ZBBX: variants seen among roughly 807,000 people sequenced by gnomAD.
ZBBX encodes the protein zinc finger B-box domain containing.
In ZBBX, 101 loss-of-function variants were observed where a neutral mutation model predicts 108.5. That is an observed-to-expected ratio of 0.93 (90% CI 0.79 to 1.10). The LOEUF (loss-of-function observed/expected upper bound fraction) is 1.10. ZBBX is among the 50% of genes least tolerant of loss of function. The pLI is 0.00. For synonymous variants in ZBBX, 356 were observed against 323.4 expected, an observed-to-expected ratio of 1.10 and a Z score of -1.08; for missense variants, 1,009 against 941.4, an observed-to-expected ratio of 1.07 and a Z score of -0.94.
At chr3:167,310,975 G>A (rs1386386694) in intron 16 of ZBBX, among the ~76,000 whole-genome samples, 1 of 152,060 alleles carries the variant, frequency 6.6e-6, no homozygotes, top group Non-Finnish European at 1.5e-5. Context: ...TTTTTATAGA[G>A]AAACAAATGA....
Position 167,396,738 on chromosome 3 carries a change from T to C in ZBBX, c.-446+10988A>G, listed in dbSNP as rs369036524. On this transcript the variant is annotated intron_variant, in intron 1 of 21. Transcript: ENST00000455345. ...AAAGTTTTGTTAATGAACATTTGAA[T>C]TGAACAAAGTTACTTTAGAAATTTT... is the stretch of plus-strand genomic sequence containing the variant. Among the ~76,000 whole-genome samples the C allele has an allele frequency of 2.6e-4, 39 of 152,104 alleles. No individual in the cohort carries two copies. The East Asian group carries it at 4.5e-3, about 17-fold the overall frequency.
At chr3:167,324,158 T>A (rs1736958752) in intron 11 of ZBBX, among the ~76,000 whole-genome samples, 1 of 152,078 alleles carries the variant, frequency 6.6e-6, no homozygotes, top group African/African-American at 2.4e-5. Context: ...CTTTTTTTTT[T>A]CTTTGTGATA....
At chr3:167,316,581 C>T (rs1378851520) in intron 14 of ZBBX, among the ~76,000 whole-genome samples, 5 of 152,124 alleles carry the variant, frequency 3.3e-5, no homozygotes, top group Middle Eastern at 3.4e-3. Flanking sequence ...CACACTATTT[C>T]TACATTTAAA....
downstream of ZBBX, among the ~76,000 whole-genome samples, chr3:167,235,274 C>T (rs966986029): frequency 1.3e-5 from 2 of 151,618 alleles, no homozygotes; most frequent in African/African-American, 2.4e-5. Flanking sequence ...TCATTTCCTG[C>T]TTGCACCTCC....
intron 20 of ZBBX, among the ~76,000 whole-genome samples, chr3:167,269,113 AG>A (rs1726093001): frequency 1.3e-5 from 2 of 152,218 alleles, no homozygotes; most frequent in Admixed American, 1.3e-4. Context: ...GAGGAGGAGT[AG>A]GGGGCTCAGG....
At chr3:167,193,913 G>A in the ZBBX span, among the ~76,000 whole-genome samples, 4 of 152,122 alleles carry the variant, frequency 2.6e-5, no homozygotes, top group African/African-American at 9.7e-5. Flanking sequence ...TCATATGTGA[G>A]AGCTAAAATG....
chr3:167,201,593 A>C, the ZBBX span, among the ~76,000 whole-genome samples: 1 of 152,154 alleles, frequency 6.6e-6, no homozygotes, highest in South Asian at 2.1e-4. Context: ...AACAAATCAG[A>C]AACTCATCAT....
At chr3:167,364,998 C>T (rs1745113406) in intron 6 of ZBBX, among the ~76,000 whole-genome samples, 1 of 151,704 alleles carries the variant, frequency 6.6e-6, no homozygotes, top group African/African-American at 2.4e-5. Flanking sequence ...TTTTCCTACC[C>T]TTTTAATTCA....
At chr3:167,189,183 C>T in the ZBBX span, among the ~76,000 whole-genome samples, 32 of 151,970 alleles carry the variant, frequency 2.1e-4, no homozygotes, top group South Asian at 2.1e-4. Context: ...GGACAAAGTA[C>T]CTGTCCGCTA....
At chr3:167,229,181 C>T in the ZBBX span, among the ~76,000 whole-genome samples, 1 of 151,688 alleles carries the variant, frequency 6.6e-6, no homozygotes, top group Admixed American at 6.6e-5. Flanking sequence ...ACAATGGATG[C>T]CCTCTTCATT....
chr3:167,313,949 T>C (rs764512276), intron 16 of ZBBX, 25 bp downstream of exon 16: 2 of 1,550,832 alleles, frequency 1.3e-6, no homozygotes, highest in Non-Finnish European at 1.7e-6. Context: ...CTGTTAATAA[T>C]ATCCAGCAAC....
At chr3:167,330,862 G>GAAGAAGAAGAAGA (rs1560135987) in intron 10 of ZBBX, among the ~76,000 whole-genome samples, 3 of 13,562 alleles carry the variant, frequency 2.2e-4, no homozygotes, top group Admixed American at 1.1e-3. Context: ...GGAGGAGGAG[G>GAAGAAGAAGAAGA]AGGAGGAGGA....
At chr3:167,230,756 T>C in the ZBBX span, among the ~76,000 whole-genome samples, 4 of 151,652 alleles carry the variant, frequency 2.6e-5, no homozygotes, top group Non-Finnish European at 5.9e-5. Context: ...TTGGAAGCGA[T>C]TGGGAAAAAG....
intron 18 of ZBBX, among the ~76,000 whole-genome samples, chr3:167,294,867 C>T (rs1368630093): frequency 6.6e-6 from 1 of 151,766 alleles, no homozygotes; most frequent in African/African-American, 2.4e-5. Context: ...CAACCCCATC[C>T]AAAAGTAGGC....
intron 20 of ZBBX, among the ~76,000 whole-genome samples, chr3:167,246,740 A>T (rs931742268): frequency 1.3e-4 from 20 of 152,266 alleles, no homozygotes; most frequent in Admixed American, 1.3e-3. Flanking sequence ...TCTTCAGGCT[A>T]CAGCAACATC....
At chr3:167,353,833 G>A (rs1297600256) in intron 8 of ZBBX, among the ~76,000 whole-genome samples, 1 of 151,972 alleles carries the variant, frequency 6.6e-6, no homozygotes, top group Middle Eastern at 3.4e-3. Flanking sequence ...TAGTGGTGGG[G>A]ACAGGAATTC....
chr3:167,277,823 T>C (rs1223261651), intron 20 of ZBBX, among the ~76,000 whole-genome samples: 6 of 152,164 alleles, frequency 3.9e-5, no homozygotes, highest in Non-Finnish European at 8.8e-5. Context: ...ACCACATCTA[T>C]TCCGAAATTG....
intron 2 of ZBBX, among the ~76,000 whole-genome samples, chr3:167,375,573 C>T (rs1365436818): frequency 2.0e-5 from 3 of 151,594 alleles, no homozygotes; most frequent in Non-Finnish European, 4.4e-5. Context: ...GTCTGGGTGA[C>T]AGAGTGAGAC....
At chr3:167,391,553 A>G (rs964364740) in intron 1 of ZBBX, among the ~76,000 whole-genome samples, 7 of 152,080 alleles carry the variant, frequency 4.6e-5, no homozygotes, top group Non-Finnish European at 5.9e-5. Flanking sequence ...TAATTTCAGA[A>G]GGAATGGTAC....
Sources: allele counts gnomAD v4.1 joint callset (sites outside exome capture counted in the v4.1 genomes callset), GRCh38; gene constraint gnomAD v4.1.1; transcripts MANE v1.5; gene names NCBI Gene and HGNC (gene_info 2026-07-23, HGNC 2026-07-21).